Variants in MYO15A observed in about 807,000 individuals in gnomAD.
MYO15A encodes myosin XVA.
Under a neutral mutation model 394.6 loss-of-function variants are expected in MYO15A, and 308 were observed. The observed-to-expected ratio is 0.78, with a 90% CI of 0.71 to 0.86. The LOEUF is 0.86. Among genes scored for constraint, MYO15A ranks in the 40% least tolerant of loss-of-function variants. The pLI, the probability that MYO15A is intolerant of heterozygous loss-of-function variation, is 0.00. For synonymous variants in MYO15A, 1,957 were observed against 2,003.8 expected, an observed-to-expected ratio of 0.98 and a Z score of 0.62; for missense variants, 4,606 against 4,799.1, an observed-to-expected ratio of 0.96 and a Z score of 1.19.
chr17:18,143,899 G>A lies in MYO15A; in HGVS notation c.6076G>A (p.Ala2026Thr), dbSNP rs772603613. The A allele has an allele frequency of 7.5e-6, 12 of 1,593,586 alleles. No individual in the cohort carries two copies. In the East Asian group the frequency reaches 1.4e-4, roughly 18 times the overall value. ...CGGGCTGGCCCAGGTGCCTCAGGTG[G>A]CCCCTGTGAGGACTCCTCGACTCCA... ...GLGLAQVPQV[A>T]PVRTPRLQAE... Residue 2026 changes from alanine to threonine, a missense_variant, in exon 28 of 66, where the codon GCC becomes ACC. Physicochemically the swap from Ala to Thr is moderately conservative, Grantham distance 58. This residue lies in a region of MYO15A where 2,776 missense variants were observed against 3,109.3 expected (regional missense o/e 0.89). Transcript: ENST00000647165.
chr17:18,155,426 C>T lies in MYO15A; in HGVS notation c.8453C>T (p.Ala2818Val). The T allele has an allele frequency of 6.2e-7, 1 of 1,612,936 alleles. No individual in the cohort carries two copies. Among genetic ancestry groups the T allele is most frequent in the Non-Finnish European group, 8.5e-7 (1 of 1,179,786 alleles). The change falls in exon 47 of 66, where the codon GCA (alanine) becomes GTA (valine). Residue 2818 changes from alanine (A) to valine (V), a missense_variant. Around this residue, in one of 2 missense-constraint regions of MYO15A, gnomAD observed 2,776 missense variants for 3,109.3 expected, o/e 0.89. Transcript: ENST00000647165. ...GGCGGGCAGCTGCGGGTCCTGCGTG[C>T]ATACAGGTGACCAGCAGGGGTGAAG... ...EAGGQLRVLRAYSFADILFVT... is the reference protein window; with the variant it reads ...EAGGQLRVLRVYSFADILFVT...
intron 56 of MYO15A, 134 bp from the exon 57 acceptor site, chr17:18,161,183 T>C: frequency 7.8e-7 from 1 of 1,274,002 alleles, no homozygotes; most frequent in African/African-American, 1.5e-5. Context: ...TGCATATCAC[T>C]GCGCAGGGAG....
chr17:18,135,857 G>A (rs1054318662), intron 13 of MYO15A, 33 bp downstream of exon 13: 2 of 1,587,606 alleles, frequency 1.3e-6, no homozygotes, highest in East Asian at 4.5e-5. Context: ...TTCGAACAAA[G>A]CTTTCTACCA....
At position 18,151,397 on chromosome 17, in the gene MYO15A, T is replaced by G; in HGVS notation, c.7657T>G (p.Ser2553Ala). ...AQDQASPETT[S>A]PSPELVRYST... is the part of the protein sequence containing the mutation. ...CCCACCGCGCCCCTTGCCCACAGCT[T>G]CACCCTCCCCAGAGCTGGTCCGGTA... The change falls in exon 40 of 66, where the codon TCA (serine) becomes GCA (alanine). Residue 2553 changes from serine to alanine, a missense_variant and splice_region_variant. Transcript: ENST00000647165. 1 of 1,614,118 alleles carries G rather than the reference T, an allele frequency of 6.2e-7. No homozygotes were observed. Among genetic ancestry groups the G allele is most frequent in the Non-Finnish European group, 8.5e-7 (1 of 1,180,004 alleles).
chr17:18,161,174 G>A (rs1025183966), intron 56 of MYO15A, 143 bp from the exon 57 acceptor site: 1 of 1,242,592 alleles, frequency 8.0e-7, no homozygotes, highest in Non-Finnish European at 1.1e-6. Context: ...TATGCCTTTT[G>A]CATATCACTG....
In MYO15A at chr17:18,159,509, C is replaced by T. The variant is rs2046742834; in HGVS notation, c.9230-97C>T. 4.0e-6 allele frequency: 6 copies of T among 1,511,876 alleles called. No homozygotes were observed. In the Admixed American group the frequency reaches 1.0e-4, roughly 26 times the overall value. 93.7% of individuals were successfully genotyped at this position (1,511,876 alleles called of 1,614,324 possible). A position where few individuals can be genotyped will look rare whatever the true frequency, so the allele number is the denominator to read the frequency against. Reference sequence around the variant, plus strand: ...AATAGAAGCTCCCAGCTGCCTGTGGCCAAGGCTCCCAGGGAGGGGCTCAGC... The same window carrying T: ...AATAGAAGCTCCCAGCTGCCTGTGGTCAAGGCTCCCAGGGAGGGGCTCAGC... On this transcript the variant is annotated intron_variant, in intron 54 of 65. Transcript: ENST00000647165.
At chr17:18,171,443 G>C (rs369989793) in intron 62 of MYO15A, among the ~76,000 whole-genome samples, 195 bp from the exon 63 acceptor site, 6 of 152,268 alleles carry the variant, frequency 3.9e-5, no homozygotes, top group African/African-American at 1.4e-4. Context: ...TAGCAGTACT[G>C]GCCCCGGCCA....
chr17:18,157,994 G>T (rs1472877208), intron 51 of MYO15A, 94 bp downstream of exon 51: 1 of 1,413,006 alleles, frequency 7.1e-7, no homozygotes, highest in Non-Finnish European at 9.3e-7. Flanking sequence ...GTGGGCCAAG[G>T]GCCTGGCCAG....
Position 18,141,724 on chromosome 17 carries a change from G to A in MYO15A, c.5603G>A (p.Arg1868His), listed in dbSNP as rs374249526. 102 of 1,614,068 alleles carry A rather than the reference G, an allele frequency of 6.3e-5. 2 individuals carry two copies. The highest frequency in any genetic ancestry group is 4.9e-4 in the South Asian group (45 of 91,086). The part of the protein sequence containing the change: ...NGDMCVSVLS[R>H]LCKVMPNMYR... ...GACATGTGTGTGTCAGTGCTGAGTC[G>A]CCTGTGCAAAGTCATGCCAAACATG... The change falls in exon 23 of 66, where the codon CGC becomes CAC. Residue 1868 changes from arginine (R) to histidine (H), a missense_variant. By Grantham distance (29) the Arg-to-His change is conservative. Around this residue, in one of 2 missense-constraint regions of MYO15A, gnomAD observed 2,776 missense variants for 3,109.3 expected, o/e 0.89. Transcript: ENST00000647165.
rs557047236 is a variant in MYO15A, at chr17:18,150,288, G to A, written c.7213-141G>A. The stretch of plus-strand genomic sequence containing the variant: ...GGGATGCCATAGGGGTAAAGGCTGA[G>A]CATACAGCAGACACTGAGCCAGTGG... On this transcript the variant is annotated intron_variant, in intron 35 of 65. Coordinates refer to ENST00000647165, the MANE Select transcript of MYO15A (RefSeq NM_016239.4). This position sits in a 1 kb window ranked among gnomAD's most constrained non-coding sequence, Gnocchi z 4.4. The A allele has an allele frequency of 2.1e-5, 16 of 751,768 alleles. No individual in the cohort carries two copies. In the East Asian group the frequency reaches 2.7e-4, roughly 13 times the overall value. The allele number at this position is 751,768 out of a possible 1,614,324, so 46.6% of individuals were successfully genotyped here.
chr17:18,161,751 G>A (rs747651596), intron 57 of MYO15A, among the ~76,000 whole-genome samples: 2 of 152,170 alleles, frequency 1.3e-5, no homozygotes, highest in Non-Finnish European at 2.9e-5. Context: ...TATGTGGTAC[G>A]TGGGAGAAGA....
At position 18,153,990 on chromosome 17, in the gene MYO15A, C is replaced by G. The variant is rs2046631239; in HGVS notation, c.8088+94C>G. On this transcript the variant is annotated intron_variant, in intron 43 of 65. Coordinates refer to ENST00000647165, the MANE Select transcript of MYO15A (RefSeq NM_016239.4). This position sits in a 1 kb window ranked among gnomAD's most constrained non-coding sequence, Gnocchi z 4.1. ...GAGGGTCTAGGACTTGGGGAGGGAG[C>G]CCAGGAGGACAGAAAAAGGCCGGGC... The G allele has an allele frequency of 6.2e-7, 1 of 1,604,560 alleles. No homozygotes were observed. The highest frequency in any genetic ancestry group is 8.5e-7 in the Non-Finnish European group (1 of 1,173,490).
At chr17:18,163,897 T>C (rs1027627642) in intron 60 of MYO15A, 59 bp downstream of exon 60, 1 of 1,552,730 alleles carries the variant, frequency 6.4e-7, no homozygotes, top group Non-Finnish European at 8.8e-7. Flanking sequence ...CCTTGTGCCA[T>C]GTGGGGCCCT....
chr17:18,155,921 G>A, intron 47 of MYO15A: 1 of 514,436 alleles, frequency 1.9e-6, no homozygotes, highest in Non-Finnish European at 3.5e-6. Flanking sequence ...AGAGAGATTT[G>A]GGTAGGTGCA....
chr17:18,134,538 A>G (rs1391583139), intron 12 of MYO15A, among the ~76,000 whole-genome samples: 2 of 152,164 alleles, frequency 1.3e-5, no homozygotes, highest in Non-Finnish European at 2.9e-5. Flanking sequence ...TAGGAATCCA[A>G]CTTTTTTCCC....
In MYO15A at chr17:18,173,893, A is replaced by G. The variant is rs748868915; in HGVS notation, c.10463A>G (p.Gln3488Arg). The G allele has an allele frequency of 5.6e-6, 9 of 1,612,832 alleles. No homozygotes were observed. The East Asian group carries it at 2.0e-4, about 36-fold the overall frequency. ...VEIALGDVAA[Q>R]RTLQLQLEQG... ...ATTGCGCTGGGGGACGTGGCGGCCC[A>G]GCGCACCTTGCAGCTGCAGCTGGAG... The change falls in exon 65 of 66, where the codon CAG becomes CGG. Residue 3488 changes from glutamine (Q) to arginine (R), a missense_variant. By Grantham distance (43) the Gln-to-Arg change is conservative. Transcript: ENST00000647165.
At chr17:18,124,778 G>T in intron 3 of MYO15A, 2 of 605,178 alleles carry the variant, frequency 3.3e-6, no homozygotes, top group South Asian at 4.0e-5. Context: ...GCTGGCAGAC[G>T]TTGCACAAAT....
In MYO15A at chr17:18,149,216, G is replaced by T; in HGVS notation, c.6957G>T (p.Val2319=). The part of the protein sequence containing the change: ...GPAASRGGPK[V]VFGNSWDSDE... ...AGCTCCATGTTCCTTTTCTCCACAG[G>T]GTGTTTGGGAACAGCTGGGACTCGG... The change falls in exon 34 of 66, where the codon GTG becomes GTT. Residue 2319 remains valine, a splice_region_variant and synonymous_variant. Transcript: ENST00000647165. 6.2e-7 allele frequency: 1 copy of T among 1,613,986 alleles called. No homozygotes were observed. The highest frequency in any genetic ancestry group is 8.5e-7 in the Non-Finnish European group (1 of 1,179,932).
At chr17:18,122,543 G>T (rs1057362352) in intron 2 of MYO15A, 134 bp downstream of exon 2, 2 of 1,367,458 alleles carry the variant, frequency 1.5e-6, no homozygotes. Context: ...GGGTCTGTAA[G>T]TTGGGGAGAA....
Sources: gnomAD v4.1 joint callset for allele counts (sites outside exome capture counted in the v4.1 genomes callset) on GRCh38, gnomAD v4.1.1 for gene constraint, gnomAD v4.1.1 regional missense constraint, Gnocchi (gnomAD v3.1) non-coding constraint, MANE v1.5 for transcripts, NCBI Gene and HGNC (gene_info 2026-07-23, HGNC 2026-07-21) for gene names.